NLGN1: variants seen among roughly 807,000 people sequenced by gnomAD.
NLGN1 encodes neuroligin-1.
A neutral mutation model predicts 65.5 loss-of-function variants in NLGN1; 12 were observed. The observed-to-expected ratio is 0.18, with a 90% CI of 0.12 to 0.30. The LOEUF (loss-of-function observed/expected upper bound fraction) is 0.30. Among genes scored for constraint, NLGN1 ranks in the 10% least tolerant of loss-of-function variants. The probability of loss-of-function intolerance (pLI) is 1.00; values close to 1 mark genes in which losing one functional copy is unlikely to be tolerated. For synonymous variants in NLGN1, 350 were observed against 359.5 expected (o/e 0.97, Z 0.30); for missense variants, 750 against 1,007.1 (o/e 0.74, Z 3.46).
intron 4 of NLGN1, among the ~76,000 whole-genome samples, chr3:173,989,013 T>C (rs1265115768): frequency 6.6e-6 from 1 of 152,130 alleles, no homozygotes; most frequent in East Asian, 1.9e-4. Flanking sequence ...AGCTAGCAGA[T>C]TGAGAATAAT....
chr3:173,705,799 G>T (rs1767963188), intron 3 of NLGN1, among the ~76,000 whole-genome samples: 3 of 151,228 alleles, frequency 2.0e-5, no homozygotes, highest in Admixed American at 2.0e-4. Flanking sequence ...ATTTGCTTAT[G>T]CTGCTTTGAA....
chr3:173,566,627 C>G (rs1260779283), intron 2 of NLGN1, among the ~76,000 whole-genome samples: 5 of 152,128 alleles, frequency 3.3e-5, no homozygotes, highest in Non-Finnish European at 7.4e-5. Context: ...TCCCTCTCTA[C>G]CCTCTACCCT....
chr3:173,729,541 G>C (rs1772427926), intron 3 of NLGN1, among the ~76,000 whole-genome samples: 1 of 152,036 alleles, frequency 6.6e-6, no homozygotes, highest in South Asian at 2.1e-4. Context: ...TGAAGTCTTG[G>C]TGAAGCAATA....
chr3:173,732,670 A>G (rs185883812), intron 3 of NLGN1, among the ~76,000 whole-genome samples: 14 of 152,200 alleles, frequency 9.2e-5, no homozygotes, highest in African/African-American at 2.9e-4. Flanking sequence ...CAAATGCAAA[A>G]TTGATTCAGT....
intron 4 of NLGN1, among the ~76,000 whole-genome samples, chr3:173,961,904 ACT>A (rs748866870): frequency 4.6e-5 from 7 of 151,880 alleles, no homozygotes; most frequent in African/African-American, 1.7e-4. Flanking sequence ...CACAAAAATA[ACT>A]CTGGACTAAT....
intron 4 of NLGN1, among the ~76,000 whole-genome samples, chr3:173,829,763 C>G (rs1442167955): frequency 6.6e-6 from 1 of 152,136 alleles, no homozygotes; most frequent in East Asian, 1.9e-4. Context: ...GATTTGTTCT[C>G]TCAAATTCCT....
intron 4 of NLGN1, among the ~76,000 whole-genome samples, chr3:173,971,570 G>A (rs947249163): frequency 2.0e-5 from 3 of 152,010 alleles, no homozygotes; most frequent in Admixed American, 6.6e-5. Flanking sequence ...CTTTGTAATA[G>A]AAATTTTAGT....
At chr3:174,290,349 A>C (rs1055187252), downstream of NLGN1, among the ~76,000 whole-genome samples, 2 of 151,018 alleles carry the variant, frequency 1.3e-5, no homozygotes, top group Non-Finnish European at 3.0e-5. Context: ...TGGCATATAA[A>C]TGGAAATACA....
chr3:173,623,716 C>A (rs2149513336), intron 3 of NLGN1, among the ~76,000 whole-genome samples: 1 of 152,090 alleles, frequency 6.6e-6, no homozygotes, highest in South Asian at 2.1e-4. Context: ...AGGGGAGCTA[C>A]CAGATGTTTG....
intron 2 of NLGN1, among the ~76,000 whole-genome samples, chr3:173,553,211 A>C (rs2149270459): frequency 6.6e-6 from 1 of 152,296 alleles, no homozygotes; most frequent in East Asian, 1.9e-4. Context: ...CTTAAGAAAT[A>C]AATCTGGATA....
chr3:173,677,567 A>G (rs1263365419), intron 3 of NLGN1, among the ~76,000 whole-genome samples: 1 of 152,116 alleles, frequency 6.6e-6, no homozygotes, highest in Non-Finnish European at 1.5e-5. Flanking sequence ...ATGAGCAGAA[A>G]TATTGTTGTG....
At chr3:173,774,953 G>A (rs1260806285) in intron 3 of NLGN1, among the ~76,000 whole-genome samples, 2 of 152,042 alleles carry the variant, frequency 1.3e-5, no homozygotes, top group East Asian at 1.9e-4. Context: ...GTGTCTACTA[G>A]TTTTGAAAAG....
chr3:173,430,692 G>C (rs73883131), intron 1 of NLGN1, among the ~76,000 whole-genome samples: 4,383 of 152,262 alleles, frequency 0.029, 209 homozygotes, highest in African/African-American at 0.1. Flanking sequence ...TGCCCTCATG[G>C]CTTAGTGGCA....
chr3:173,495,069 G>A (rs1162630343), intron 2 of NLGN1, among the ~76,000 whole-genome samples: 1 of 151,572 alleles, frequency 6.6e-6, no homozygotes, highest in Non-Finnish European at 1.5e-5. Context: ...ATTAAGTTTT[G>A]TTGAATCTTT....
At chr3:174,015,664 T>TA (rs746794875) in intron 4 of NLGN1, among the ~76,000 whole-genome samples, 8 of 152,186 alleles carry the variant, frequency 5.3e-5, no homozygotes, top group Non-Finnish European at 8.8e-5. Context: ...GAGACTTAGT[T>TA]ACACTTAGCC....
At chr3:173,594,702 C>G (rs146164636) in intron 2 of NLGN1, among the ~76,000 whole-genome samples, 2,335 of 152,342 alleles carry the variant, frequency 0.015, 60 homozygotes, top group African/African-American at 0.052. Flanking sequence ...CAGAGGTTCT[C>G]CATGAGTGCC....
rs112663902 is a variant in NLGN1, at chr3:173,420,341, C to T, written c.-389-14669C>T. On this transcript the variant is annotated intron_variant, in intron 1 of 6. Coordinates refer to ENST00000457714, the Ensembl canonical transcript of NLGN1. ...AACATGCGGTGTTTGGTTTTTTTGT[C>T]CTTGCGATAGTTTGCTGAGAATGAT... Among the ~76,000 whole-genome samples the T allele has an allele frequency of 9.8e-3, 1,483 of 151,904 alleles. 25 individuals carry two copies. Among genetic ancestry groups the T allele is most frequent in the African/African-American group, 0.033 (1,382 of 41,396 alleles).
chr3:174,013,856 G>A (rs947746617), intron 4 of NLGN1, among the ~76,000 whole-genome samples: 2 of 152,118 alleles, frequency 1.3e-5, no homozygotes, highest in Non-Finnish European at 2.9e-5. Context: ...TGGGACCATA[G>A]GCATGTGCCA....
intron 4 of NLGN1, among the ~76,000 whole-genome samples, chr3:174,179,750 T>C (rs987072831): frequency 1.3e-5 from 2 of 152,148 alleles, no homozygotes; most frequent in African/African-American, 4.8e-5. Context: ...ACCCCAAGAC[T>C]GAAATCCAAA....
Sources: allele counts gnomAD v4.1 joint callset (sites outside exome capture counted in the v4.1 genomes callset), GRCh38; gene constraint gnomAD v4.1.1; transcripts MANE v1.5; gene names NCBI Gene and HGNC (gene_info 2026-07-23, HGNC 2026-07-21).